Variants in COL4A4 observed in about 807,000 individuals in gnomAD.
COL4A4 encodes collagen type IV alpha 4 chain.
A neutral mutation model predicts 192.9 loss-of-function variants in COL4A4; 105 were observed. The observed-to-expected ratio is 0.54, with a 90% confidence interval of 0.46 to 0.64. The LOEUF (loss-of-function observed/expected upper bound fraction) is 0.64. COL4A4 is among the 30% of genes least tolerant of loss of function. The pLI, the probability that COL4A4 is intolerant of heterozygous loss-of-function variation, is 0.00. For synonymous variants in COL4A4, 762 were observed against 769.9 expected (o/e 0.99, Z 0.17); for missense variants, 1,967 against 2,169.3 (o/e 0.91, Z 1.85).
rs71036154 is a variant in COL4A4, at chr2:227,041,848, GAGAAAGAAAGAAAGAA to G, written c.3505+284_3505+299del. On this transcript the variant is annotated intron_variant, in intron 37 of 47. Transcript: ENST00000396625. ...AGAAAGAAAGAAAGAAAGAAAGAAA[GAGAAAGAAAGAAAGAA>G]AGAAAGAAAGAAAGAAAGAAAGAAA... Among the ~76,000 whole-genome samples, 96 of 38,736 alleles carry G rather than the reference GAGAAAGAAAGAAAGAA, an allele frequency of 2.5e-3. 3 individuals carry two copies. The highest frequency in any genetic ancestry group is 3.8e-3 in the Admixed American group (13 of 3,406). 25.4% of individuals were successfully genotyped at this position (38,736 alleles called of 152,430 possible). A position where few individuals can be genotyped will look rare whatever the true frequency, so the allele number is the denominator to read the frequency against.
chr2:227,093,863 A>C (rs1375403175), intron 20 of COL4A4, among the ~76,000 whole-genome samples: 1 of 152,132 alleles, frequency 6.6e-6, no homozygotes, highest in Non-Finnish European at 1.5e-5. Context: ...ACTCTGATGA[A>C]AATTAAAACT....
Position 227,119,571 on chromosome 2 carries a change from A to G in COL4A4, c.372+324T>C, listed in dbSNP as rs2061668392. Among the ~76,000 whole-genome samples the G allele has an allele frequency of 2.0e-5, 3 of 148,652 alleles. No homozygotes were observed. In the South Asian group the frequency reaches 6.3e-4, roughly 31 times the overall value. ...ATAGTATACATACTATACATATCTT[A>G]TATATACAATATATTTGGTGCAAAA... On this transcript the variant is annotated intron_variant, in intron 6 of 47. Transcript: ENST00000396625.
intron 20 of COL4A4, 147 bp downstream of exon 20, chr2:227,093,978 A>G: frequency 1.5e-6 from 1 of 685,498 alleles, no homozygotes; most frequent in South Asian, 2.1e-5. Context: ...GTCCAACTTC[A>G]GTTTATTTGT....
chr2:227,001,157 C>T (rs539815918), downstream of COL4A4, among the ~76,000 whole-genome samples: 12 of 151,058 alleles, frequency 7.9e-5, no homozygotes, highest in South Asian at 4.2e-4. Flanking sequence ...TGCAGTGGTA[C>T]GATCTTAGCT....
At chr2:227,132,897 T>C (rs1452681772) in intron 4 of COL4A4, among the ~76,000 whole-genome samples, 2 of 152,240 alleles carry the variant, frequency 1.3e-5, no homozygotes, top group African/African-American at 4.8e-5. Context: ...AATTTGCTTT[T>C]ATTTCCTAAA....
chr2:227,040,727 C>G (rs962809628), intron 37 of COL4A4, among the ~76,000 whole-genome samples: 1 of 151,914 alleles, frequency 6.6e-6, no homozygotes, highest in Non-Finnish European at 1.5e-5. Context: ...CACCACAGAG[C>G]TAACTTTTAT....
At chr2:227,125,107 G>T (rs2125085829) in intron 4 of COL4A4, among the ~76,000 whole-genome samples, 1 of 152,230 alleles carries the variant, frequency 6.6e-6, no homozygotes, top group Admixed American at 6.5e-5. Flanking sequence ...GGGGAAAAAA[G>T]GCGTGGAAAT....
chr2:227,104,897 T>A (rs1399669407), intron 12 of COL4A4, among the ~76,000 whole-genome samples: 1 of 149,554 alleles, frequency 6.7e-6, no homozygotes, highest in Non-Finnish European at 1.5e-5. Flanking sequence ...CGCCTCGGCC[T>A]CCCAAAGTGC....
rs555364866 is a variant in COL4A4 at position 227,030,672 on chromosome 2, C to G, written c.3818-74G>C. 13 of 1,180,470 alleles carry G rather than the reference C, an allele frequency of 1.1e-5. No individual in the cohort carries two copies. The African/African-American group carries it at 2.0e-4, about 18-fold the overall frequency. The allele number at this position is 1,180,470 out of a possible 1,614,324, so 73.1% of individuals were successfully genotyped here. A position where few individuals can be genotyped will look rare whatever the true frequency, so the allele number is the denominator to read the frequency against. ...TGTATACTGGCTGCTTGACAGCTTC[C>G]GAAGAAAAACAATTCAATGACTTGC... On this transcript the variant is annotated intron_variant, in intron 40 of 47. Coordinates refer to ENST00000396625, the MANE Select transcript of COL4A4 (RefSeq NM_000092.5).
chr2:227,122,861 TTTA>T (rs1174116653), intron 4 of COL4A4, among the ~76,000 whole-genome samples: 2 of 151,678 alleles, frequency 1.3e-5, no homozygotes, highest in East Asian at 1.9e-4. Flanking sequence ...TTTATTTTTA[TTTA>T]TTATTATTAT....
intron 19 of COL4A4, among the ~76,000 whole-genome samples, chr2:227,094,641 T>C (rs1480435726): frequency 6.6e-6 from 1 of 152,192 alleles, no homozygotes; most frequent in Non-Finnish European, 1.5e-5. Flanking sequence ...GTGAAAATGA[T>C]AGTTAACAAT....
rs1407449874 is a variant in COL4A4, at chr2:227,043,950, G to A, written c.3290-766C>T. Among the ~76,000 whole-genome samples the A allele has an allele frequency of 3.9e-5, 6 of 152,138 alleles. No individual in the cohort carries two copies. The East Asian group carries it at 9.6e-4, about 24-fold the overall frequency. On this transcript the variant is annotated intron_variant, in intron 35 of 47. Transcript: ENST00000396625. Reference sequence around the variant, plus strand: ...TTCACAGTTGGTTTCTCCACACCACGTTCCATCCCAGAATCACCCATAACA... The same window carrying A: ...TTCACAGTTGGTTTCTCCACACCACATTCCATCCCAGAATCACCCATAACA...
chr2:227,090,559 G>C (rs1188902080), intron 20 of COL4A4, among the ~76,000 whole-genome samples: 2 of 151,866 alleles, frequency 1.3e-5, no homozygotes, highest in African/African-American at 4.8e-5. Context: ...GACCAGCCTG[G>C]CCAACATGGT....
chr2:227,149,054 G>A (rs1160165680), intron 1 of COL4A4, among the ~76,000 whole-genome samples: 4 of 151,712 alleles, frequency 2.6e-5, no homozygotes, highest in Non-Finnish European at 5.9e-5. Context: ...AAGCCATGTT[G>A]GCCAGGCTGG....
chr2:226,978,673 A>C, the COL4A4 span, among the ~76,000 whole-genome samples: 1 of 152,192 alleles, frequency 6.6e-6, no homozygotes, highest in Non-Finnish European at 1.5e-5. Context: ...GTGAGAATGC[A>C]CGCTGTCAAA....
intron 35 of COL4A4, among the ~76,000 whole-genome samples, chr2:227,045,921 G>GTATATGTATATATGTA (rs761891415): frequency 3.2e-5 from 2 of 61,696 alleles, no homozygotes; most frequent in Admixed American, 1.9e-4. Flanking sequence ...GTATGTATAT[G>GTATATGTATATATGTA]TATATGTATA....
intron 25 of COL4A4, among the ~76,000 whole-genome samples, chr2:227,070,698 A>G (rs886403551): frequency 8.5e-6 from 1 of 117,364 alleles, no homozygotes; most frequent in Non-Finnish European, 1.6e-5. Flanking sequence ...GAAGGGGAAC[A>G]TCACACTCTG....
chr2:227,095,314 G>C (rs903449509), intron 19 of COL4A4, among the ~76,000 whole-genome samples: 1 of 152,190 alleles, frequency 6.6e-6, no homozygotes, highest in Non-Finnish European at 1.5e-5. Flanking sequence ...CAGGTTGATG[G>C]GGAAGGATGG....
the COL4A4 span, among the ~76,000 whole-genome samples, chr2:226,974,969 CT>C: frequency 6.6e-6 from 1 of 152,210 alleles, no homozygotes; most frequent in Admixed American, 6.5e-5. Flanking sequence ...CCTAGTTCCA[CT>C]GCTCTGATGG....
Sources: gnomAD v4.1 joint callset for allele counts (sites outside exome capture counted in the v4.1 genomes callset) on GRCh38, gnomAD v4.1.1 for gene constraint, MANE v1.5 for transcripts, NCBI Gene and HGNC (gene_info 2026-07-23, HGNC 2026-07-21) for gene names.